LYPD6B: variants seen among roughly 807,000 people sequenced by gnomAD.
LYPD6B encodes LY6/PLAUR domain containing 6B.
A neutral mutation model predicts 22.8 loss-of-function variants in LYPD6B; 17 were observed. That is an observed-to-expected ratio of 0.75 (90% CI 0.51 to 1.12). LYPD6B has a LOEUF of 1.12. Ranked by LOEUF, LYPD6B falls within the 50% of genes most tolerant of loss-of-function variation. LYPD6B has a pLI of 0.00. For synonymous variants in LYPD6B, 106 were observed against 91.6 expected (o/e 1.16, Z -0.90); for missense variants, 221 against 258.3 (o/e 0.86, Z 0.99).
At chr2:149,101,939 A>C (rs1686231110) in intron 1 of LYPD6B, among the ~76,000 whole-genome samples, 1 of 152,202 alleles carries the variant, frequency 6.6e-6, no homozygotes, top group Non-Finnish European at 1.5e-5. Flanking sequence ...TTCATTAGTT[A>C]AGAAGAAAGT....
At chr2:149,175,365 A>C (rs995081284) in intron 3 of LYPD6B, among the ~76,000 whole-genome samples, 4 of 152,182 alleles carry the variant, frequency 2.6e-5, no homozygotes, top group South Asian at 2.1e-4. Flanking sequence ...ACTGTATGAA[A>C]GATAAAAAAT....
intron 3 of LYPD6B, among the ~76,000 whole-genome samples, chr2:149,173,349 C>CTTTTTTTT (rs67113716): frequency 1.2e-4 from 7 of 58,482 alleles, no homozygotes; most frequent in African/African-American, 1.6e-4. Context: ...TCTGTCAGGC[C>CTTTTTTTT]TTTTTTTTTT....
intron 1 of LYPD6B, among the ~76,000 whole-genome samples, chr2:149,066,990 T>C (rs758049325): frequency 3.9e-5 from 6 of 152,162 alleles, no homozygotes; most frequent in Non-Finnish European, 8.8e-5. Context: ...TAGTCCTGTG[T>C]CTATTGTAGC....
At chr2:149,098,765 C>CTTTTT (rs10658424) in intron 1 of LYPD6B, among the ~76,000 whole-genome samples, 1 of 140,104 alleles carries the variant, frequency 7.1e-6, no homozygotes. Flanking sequence ...TGTGCTTTTT[C>CTTTTT]TTTTTTTTTT....
At chr2:149,144,108 C>A (rs1320997766) in intron 2 of LYPD6B, among the ~76,000 whole-genome samples, 1 of 152,150 alleles carries the variant, frequency 6.6e-6, no homozygotes, top group Non-Finnish European at 1.5e-5. Flanking sequence ...GGTCCCAGGG[C>A]AAAATAAATG....
intron 3 of LYPD6B, chr2:149,188,729 G>C: frequency 1.0e-6 from 1 of 972,776 alleles, no homozygotes; most frequent in Non-Finnish European, 1.2e-6. Context: ...TGGCTCCAGA[G>C]AGGTAGTTTT....
At chr2:149,094,012 ATGACTT>A (rs1489978143) in intron 1 of LYPD6B, among the ~76,000 whole-genome samples, 2 of 152,186 alleles carry the variant, frequency 1.3e-5, no homozygotes, top group African/African-American at 4.8e-5. Context: ...CCAATAGAAT[ATGACTT>A]TGATATTATG....
chr2:149,040,713 T>C (rs374314294), intron 1 of LYPD6B, among the ~76,000 whole-genome samples: 2 of 152,160 alleles, frequency 1.3e-5, no homozygotes, highest in East Asian at 1.9e-4. Context: ...ACAGGACATG[T>C]TCATTTTACT....
intron 3 of LYPD6B, among the ~76,000 whole-genome samples, chr2:149,204,051 CAAG>C (rs34044329): frequency 0.1 from 15,361 of 152,210 alleles, 880 homozygotes; most frequent in Non-Finnish European, 0.11. Flanking sequence ...GTTGATTCAG[CAAG>C]AAGGAGTTCA....
chr2:149,063,771 C>G (rs1684199389), intron 1 of LYPD6B, among the ~76,000 whole-genome samples: 1 of 152,000 alleles, frequency 6.6e-6, no homozygotes, highest in Non-Finnish European at 1.5e-5. Context: ...GAAAAAGTAG[C>G]CGGAAACATA....
intron 1 of LYPD6B, among the ~76,000 whole-genome samples, chr2:149,042,442 A>T (rs553860687): frequency 2.6e-5 from 4 of 152,194 alleles, no homozygotes; most frequent in African/African-American, 9.7e-5. Flanking sequence ...TGGCAAAAAG[A>T]CATGATCACT....
intron 1 of LYPD6B, chr2:149,077,478 TAACTA>T (rs1476756720): frequency 6.6e-6 from 1 of 152,244 alleles, no homozygotes; most frequent in African/African-American, 2.4e-5. Flanking sequence ...TAATAAGTGA[TAACTA>T]TAACTATGGT....
At chr2:149,064,821 G>A (rs568564978) in intron 1 of LYPD6B, among the ~76,000 whole-genome samples, 1 of 152,312 alleles carries the variant, frequency 6.6e-6, no homozygotes. Context: ...CTCAGGGGCT[G>A]TCACTGCCTG....
intron 3 of LYPD6B, among the ~76,000 whole-genome samples, chr2:149,198,641 A>G (rs1198738109): frequency 6.6e-6 from 1 of 152,210 alleles, no homozygotes; most frequent in African/African-American, 2.4e-5. Flanking sequence ...TGCTTTAGAC[A>G]TTCTCTTTGA....
chr2:149,051,416 C>T (rs954479182), intron 1 of LYPD6B, among the ~76,000 whole-genome samples: 8 of 152,136 alleles, frequency 5.3e-5, no homozygotes, highest in Admixed American at 1.3e-4. Flanking sequence ...CCACCCGCCT[C>T]GGCCTCCCAA....
At chr2:149,113,869 T>C (rs1686877919) in intron 1 of LYPD6B, among the ~76,000 whole-genome samples, 1 of 152,222 alleles carries the variant, frequency 6.6e-6, no homozygotes, top group Non-Finnish European at 1.5e-5. Flanking sequence ...TTATCTTCAC[T>C]ACATTAAGTG....
intron 1 of LYPD6B, among the ~76,000 whole-genome samples, chr2:149,043,251 C>A (rs1465824408): frequency 6.6e-6 from 1 of 152,086 alleles, no homozygotes; most frequent in East Asian, 1.9e-4. Flanking sequence ...AAAGTGGTCT[C>A]TTTACTAAGG....
At chr2:149,146,623 A>G (rs777524485) in intron 2 of LYPD6B, among the ~76,000 whole-genome samples, 8 of 151,954 alleles carry the variant, frequency 5.3e-5, no homozygotes, top group Non-Finnish European at 8.8e-5. Context: ...GGGAAGACCC[A>G]GTAAAGAGAA....
chr2:149,206,961 T>G (rs1693544121), intron 4 of LYPD6B, among the ~76,000 whole-genome samples: 1 of 152,178 alleles, frequency 6.6e-6, no homozygotes, highest in African/African-American at 2.4e-5. Context: ...AAACTAAATG[T>G]TAAATAATTC....
Sources: allele counts gnomAD v4.1 joint callset (sites outside exome capture counted in the v4.1 genomes callset), GRCh38; gene constraint gnomAD v4.1.1; transcripts MANE v1.5; gene names NCBI Gene and HGNC (gene_info 2026-07-23, HGNC 2026-07-21).